The following SFXN2 variants were observed in gnomAD, a reference collection of about 807,000 sequenced individuals.
The protein encoded by SFXN2 is sideroflexin-2.
In SFXN2, 37 loss-of-function variants were observed where a neutral mutation model predicts 41.9. The ratio of observed to expected loss-of-function variants is 0.88; its 90% confidence interval spans 0.68 to 1.16. The LOEUF (loss-of-function observed/expected upper bound fraction) is 1.16, where lower values mean the gene tolerates loss of function less well. SFXN2 is among the 50% of genes most tolerant of loss of function. The probability of loss-of-function intolerance (pLI) is 0.00; values close to 1 mark genes in which losing one functional copy is unlikely to be tolerated. For synonymous variants in SFXN2, 150 were observed against 156.7 expected, an observed-to-expected ratio of 0.96 and a Z score of 0.32; for missense variants, 386 against 425.2, an observed-to-expected ratio of 0.91 and a Z score of 0.81.
At chr10:102,729,836 C>T (rs371340281) in intron 6 of SFXN2, 28 bp downstream of exon 6, 1 of 1,611,458 alleles carries the variant, frequency 6.2e-7, no homozygotes, top group Non-Finnish European at 8.5e-7. Flanking sequence ...TTTCTCCCTA[C>T]AAACCACAAG....
intron 6 of SFXN2, among the ~76,000 whole-genome samples, chr10:102,730,869 C>T (rs1037114136): frequency 2.6e-5 from 4 of 152,120 alleles, no homozygotes; most frequent in South Asian, 2.1e-4. Context: ...GGGCGGATCA[C>T]GAGGTCAGGA....
intron 7 of SFXN2, 111 bp from the exon 8 acceptor site, chr10:102,732,041 C>A: frequency 9.3e-7 from 1 of 1,074,016 alleles, no homozygotes; most frequent in Non-Finnish European, 1.4e-6. Context: ...GAGGGTCCTT[C>A]CCTTCCCCTT....
At chr10:102,729,570 C>G in intron 5 of SFXN2, 153 bp from the exon 6 acceptor site, 4 of 1,105,626 alleles carry the variant, frequency 3.6e-6, no homozygotes, top group Non-Finnish European at 2.6e-6. Context: ...TCTTCTTGGG[C>G]CTTTGAGGGA....
intron 9 of SFXN2, among the ~76,000 whole-genome samples, chr10:102,733,339 G>A (rs372776734): frequency 1.0e-3 from 156 of 152,180 alleles, no homozygotes; most frequent in African/African-American, 3.4e-3. Context: ...TAGTAGAGAC[G>A]GGTTTTCACT....
intron 11 of SFXN2, among the ~76,000 whole-genome samples, chr10:102,737,084 G>A (rs1272863008): frequency 6.6e-6 from 1 of 152,124 alleles, no homozygotes; most frequent in Non-Finnish European, 1.5e-5. Context: ...AACCTGGGAA[G>A]TGGAGGTTGC....
Position 102,731,264 on chromosome 10 carries a change from CAAAAAAAA to C in SFXN2, c.594-444_594-437del, listed in dbSNP as rs368931070. Among the ~76,000 whole-genome samples the C allele has an allele frequency of 6.1e-3, 523 of 85,194 alleles. 2 individuals are homozygous for C. The highest frequency in any genetic ancestry group is 0.022 in the African/African-American group (484 of 22,256). The allele number at this position is 85,194 out of a possible 152,430, so 55.9% of individuals were successfully genotyped here. ...CCTGGGTGACAGAGTGCGATTGTCT[CAAAAAAAA>C]AAAAAAAAAAAAAAGGAATAGCTAG... On this transcript the variant is annotated intron_variant, in intron 6 of 11. Coordinates refer to ENST00000369893, the MANE Select transcript of SFXN2 (RefSeq NM_178858.6).
At chr10:102,718,422 T>C (rs910264922) in intron 1 of SFXN2, among the ~76,000 whole-genome samples, 1 of 152,264 alleles carries the variant, frequency 6.6e-6, no homozygotes, top group African/African-American at 2.4e-5. Flanking sequence ...TAGGTTCATG[T>C]AGAGCATGGG....
chr10:102,724,782 G>C (rs1208194917), intron 1 of SFXN2, among the ~76,000 whole-genome samples: 5 of 151,926 alleles, frequency 3.3e-5, no homozygotes, highest in Non-Finnish European at 7.4e-5. Flanking sequence ...AGAGTCCTTA[G>C]AATATTAACC....
intron 5 of SFXN2, 116 bp from the exon 6 acceptor site, chr10:102,729,607 G>T: frequency 8.3e-7 from 1 of 1,198,280 alleles, no homozygotes; most frequent in Admixed American, 2.1e-5. Flanking sequence ...CTGGGTGTCT[G>T]GATGTGTGGC....
chr10:102,729,448 A>C (rs916084228), intron 5 of SFXN2, 54 bp downstream of exon 5: 1 of 1,590,272 alleles, frequency 6.3e-7, no homozygotes, highest in East Asian at 2.2e-5. Flanking sequence ...GCAGAGTCCT[A>C]GGGAAAACGT....
At chr10:102,715,497 G>A (rs1375281472) in intron 1 of SFXN2, among the ~76,000 whole-genome samples, 2 of 152,164 alleles carry the variant, frequency 1.3e-5, no homozygotes, top group East Asian at 1.9e-4. Context: ...TCCCTTTCCC[G>A]ATGCAGAGGA....
At chr10:102,725,560 T>A (rs1043371128) in intron 1 of SFXN2, among the ~76,000 whole-genome samples, 3 of 152,142 alleles carry the variant, frequency 2.0e-5, no homozygotes, top group Admixed American at 6.5e-5. Context: ...CAATTACCAT[T>A]CACTCCAGCC....
chr10:102,716,808 A>G (rs1390758790), intron 1 of SFXN2: 1 of 151,812 alleles, frequency 6.6e-6, no homozygotes, highest in Admixed American at 6.6e-5. Context: ...ACCTCAGGTG[A>G]TCTCTCTGCT....
chr10:102,717,176 G>T (rs2064429054), intron 1 of SFXN2, among the ~76,000 whole-genome samples: 1 of 126,100 alleles, frequency 7.9e-6, no homozygotes, highest in South Asian at 2.5e-4. Flanking sequence ...CTGTCACCCA[G>T]ACTGGAGTGC....
rs930298223 is a variant in SFXN2 at position 102,734,844 on chromosome 10, A to T, written c.822-1018A>T. On this transcript the variant is annotated intron_variant, in intron 10 of 11. Transcript: ENST00000369893. This position sits in a 1 kb window ranked among gnomAD's most constrained non-coding sequence, Gnocchi z 4.1. ...GACCTTGCCTCCCAAACCCTGGTCC[A>T]TGCCAGCATCGTTGGCATCCTCTGA... Among the ~76,000 whole-genome samples the T allele has an allele frequency of 6.6e-6, 1 of 152,156 alleles. No individual in the cohort carries two copies. The highest frequency in any genetic ancestry group is 6.5e-5 in the Admixed American group (1 of 15,276).
chr10:102,726,959 G>A (rs781257464), intron 2 of SFXN2, 28 bp from the exon 3 acceptor site: 1 of 1,588,592 alleles, frequency 6.3e-7, no homozygotes, highest in African/African-American at 1.3e-5. Context: ...AGGCAGGATG[G>A]TGACTGCCTG....
At chr10:102,723,219 A>G in intron 1 of SFXN2, among the ~76,000 whole-genome samples, 1 of 148,902 alleles carries the variant, frequency 6.7e-6, no homozygotes, top group Non-Finnish European at 1.5e-5. Flanking sequence ...TGCTGAGATT[A>G]CAGATGTGAG....
chr10:102,726,771 G>A lies in SFXN2; in HGVS notation c.135G>A (p.Trp45Ter). ...TTGTATCTGAGCGGGAGCTGGACTGGGCCAAGGTGATGGTGGAGAAGAGCA... is the reference window on the plus strand; with the variant it reads ...TTGTATCTGAGCGGGAGCTGGACTGAGCCAAGGTGATGGTGGAGAAGAGCA... The part of the protein sequence containing the change: ...TVFVSERELD[W>*]AKVMVEKSRM... The change falls in exon 2 of 12, where the codon TGG (tryptophan) becomes TGA (stop). Residue 45 changes from tryptophan to a stop codon, truncating the protein, a stop_gained. Transcript: ENST00000369893. LOFTEE classifies it high-confidence loss of function. 1.2e-6 allele frequency: 2 copies of A among 1,614,214 alleles called. No individual in the cohort carries two copies. The highest frequency in any genetic ancestry group is 1.7e-6 in the Non-Finnish European group (2 of 1,180,042).
intron 5 of SFXN2, 33 bp from the exon 6 acceptor site, chr10:102,729,690 T>G (rs762058173): frequency 7.5e-6 from 12 of 1,609,604 alleles, no homozygotes; most frequent in Middle Eastern, 1.6e-4. Flanking sequence ...CCAGCGCTTC[T>G]GAACAACTCC....
Sources: allele counts gnomAD v4.1 joint callset (sites outside exome capture counted in the v4.1 genomes callset), GRCh38; gene constraint gnomAD v4.1.1; non-coding constraint Gnocchi (gnomAD v3.1); transcripts MANE v1.5; gene names NCBI Gene and HGNC (gene_info 2026-07-23, HGNC 2026-07-21).